Variants in KDM4C observed in about 807,000 individuals in gnomAD.
KDM4C encodes lysine demethylase 4C.
Under a neutral mutation model 129.3 loss-of-function variants are expected in KDM4C, and 81 were observed. The observed-to-expected ratio is 0.63, with a 90% CI of 0.52 to 0.75. The LOEUF (loss-of-function observed/expected upper bound fraction) is 0.75, where lower values mean the gene tolerates loss of function less well. Among genes scored for constraint, KDM4C ranks in the 30% least tolerant of loss-of-function variants. The pLI is 0.00. For missense variants in KDM4C, 1,457 were observed against 1,304.0 expected, an observed-to-expected ratio of 1.12 and a Z score of -1.81; for synonymous variants, 573 against 456.1, an observed-to-expected ratio of 1.26 and a Z score of -3.26.
At chr9:6,760,123 C>A (rs900857154) in intron 1 of KDM4C, among the ~76,000 whole-genome samples, 1 of 152,062 alleles carries the variant, frequency 6.6e-6, no homozygotes. Flanking sequence ...CTATCCCCTT[C>A]TGTCCCTAGG....
rs1282300552 is a variant in KDM4C, at chr9:6,766,839, T to A, written c.-18+8636T>A. On this transcript the variant is annotated intron_variant, in intron 1 of 21. Transcript: ENST00000381309. ...TCACCTCTGCTTATCAGAACATTCTTCTCTGCCAGTACGTTTTCTCTTGTT... is the reference window on the plus strand; with the variant it reads ...TCACCTCTGCTTATCAGAACATTCTACTCTGCCAGTACGTTTTCTCTTGTT... Among the ~76,000 whole-genome samples the A allele has an allele frequency of 2.6e-5, 4 of 152,110 alleles. 1 individual carries two copies. The highest frequency in any genetic ancestry group is 5.9e-5 in the Non-Finnish European group (4 of 68,006).
chr9:7,139,543 C>T (rs1841536240), intron 19 of KDM4C, among the ~76,000 whole-genome samples: 1 of 152,116 alleles, frequency 6.6e-6, no homozygotes, highest in Non-Finnish European at 1.5e-5. Context: ...AAGTGAGACT[C>T]TAAAATTATA....
intron 8 of KDM4C, among the ~76,000 whole-genome samples, chr9:6,936,940 T>C (rs144643569): frequency 0.014 from 2,162 of 152,300 alleles, 55 homozygotes; most frequent in African/African-American, 0.048. Context: ...ATTCATTAAA[T>C]GTGTTCTTTT....
chr9:6,836,433 T>C (rs777551718), intron 4 of KDM4C, among the ~76,000 whole-genome samples: 19 of 152,152 alleles, frequency 1.2e-4, no homozygotes, highest in Non-Finnish European at 2.5e-4. Flanking sequence ...ATATGTACAA[T>C]ATATTTAAGT....
intron 1 of KDM4C, among the ~76,000 whole-genome samples, chr9:6,763,195 C>G (rs1284803863): frequency 2.0e-5 from 3 of 152,144 alleles, no homozygotes; most frequent in Non-Finnish European, 4.4e-5. Flanking sequence ...GGGAAAAAGT[C>G]CTAACTCTCA....
At chr9:6,815,685 C>T (rs182656311) in intron 4 of KDM4C, among the ~76,000 whole-genome samples, 3 of 152,212 alleles carry the variant, frequency 2.0e-5, no homozygotes, top group East Asian at 3.9e-4. Context: ...CTTTGAGCAT[C>T]GTGTTGAAAC....
chr9:7,094,675 C>G (rs1032217481), intron 17 of KDM4C, among the ~76,000 whole-genome samples: 22 of 152,194 alleles, frequency 1.4e-4, no homozygotes, highest in African/African-American at 5.3e-4. Flanking sequence ...GTTGTCTCCC[C>G]TGAAAAGGTG....
chr9:6,804,150 A>G (rs117553483), intron 2 of KDM4C, among the ~76,000 whole-genome samples: 4 of 152,266 alleles, frequency 2.6e-5, no homozygotes, highest in Non-Finnish European at 4.4e-5. Context: ...AATCCTATCA[A>G]TATGTATTTT....
chr9:6,974,258 C>G lies in KDM4C; in HGVS notation c.922-6667C>G, dbSNP rs114146521. Among the ~76,000 whole-genome samples the G allele has an allele frequency of 5.8e-3, 889 of 152,302 alleles. 11 individuals are homozygous for G. Among genetic ancestry groups the G allele is most frequent in the African/African-American group, 0.02 (835 of 41,564 alleles). On this transcript the variant is annotated intron_variant, in intron 8 of 21. Coordinates refer to ENST00000381309, the MANE Select transcript of KDM4C (RefSeq NM_015061.6). ...AAGAAATACCTGAAAGACTCTCTAA[C>G]AAGGAAATCAGTATACCTGAACATT...
At chr9:7,127,947 T>A (rs752855563) in intron 18 of KDM4C, 119 bp from the exon 19 acceptor site, 3 of 934,940 alleles carry the variant, frequency 3.2e-6, no homozygotes, top group Non-Finnish European at 4.4e-6. Flanking sequence ...GTTAAAAATT[T>A]TTTTTTTAAA....
chr9:6,777,736 T>C (rs1823394380), intron 1 of KDM4C, among the ~76,000 whole-genome samples: 1 of 151,710 alleles, frequency 6.6e-6, no homozygotes, highest in African/African-American at 2.4e-5. Context: ...CCACCATGTT[T>C]GGCTAATCAA....
chr9:6,946,744 A>G (rs901446932), intron 8 of KDM4C, among the ~76,000 whole-genome samples: 1 of 151,994 alleles, frequency 6.6e-6, no homozygotes, highest in African/African-American at 2.4e-5. Context: ...TTCATTATGA[A>G]TTTTCTTTTA....
At chr9:6,883,556 G>A (rs570759420) in intron 6 of KDM4C, among the ~76,000 whole-genome samples, 1 of 152,328 alleles carries the variant, frequency 6.6e-6, no homozygotes, top group South Asian at 2.1e-4. Flanking sequence ...ATCCAGCCAT[G>A]TTCCTAGTGG....
rs1010482267 is a variant in KDM4C at position 7,009,171 on chromosome 9, G to A, written c.1787-2527G>A. On this transcript the variant is annotated intron_variant, in intron 12 of 21. Coordinates refer to ENST00000381309, the MANE Select transcript of KDM4C (RefSeq NM_015061.6). ...CAGGAAGACAATGCACAAACAAGTT[G>A]AGAATTTCAACAAAGAGATAGAAGC... Among the ~76,000 whole-genome samples the A allele has an allele frequency of 2.0e-5, 3 of 152,202 alleles. No homozygotes were observed. In the East Asian group the frequency reaches 5.8e-4, roughly 29 times the overall value.
intron 1 of KDM4C, among the ~76,000 whole-genome samples, chr9:6,737,406 A>G (rs1351601749): frequency 6.6e-6 from 1 of 152,106 alleles, no homozygotes; most frequent in Non-Finnish European, 1.5e-5. Flanking sequence ...CATGCCTGTA[A>G]TCTCAGCACT....
chr9:7,124,674 A>G (rs1839851858), intron 18 of KDM4C, among the ~76,000 whole-genome samples: 1 of 152,220 alleles, frequency 6.6e-6, no homozygotes, highest in Non-Finnish European at 1.5e-5. Context: ...TTCTACTTCA[A>G]GTATAGTGCA....
At chr9:6,854,983 A>C (rs1044195016) in intron 5 of KDM4C, among the ~76,000 whole-genome samples, 1 of 152,198 alleles carries the variant, frequency 6.6e-6, no homozygotes, top group African/African-American at 2.4e-5. Context: ...CCACCTTGTA[A>C]GGCAATTGTG....
chr9:7,009,891 GA>G, intron 12 of KDM4C, among the ~76,000 whole-genome samples: 1 of 151,898 alleles, frequency 6.6e-6, no homozygotes, highest in South Asian at 2.1e-4. Flanking sequence ...AGAACAATTT[GA>G]AAAAACTCAC....
intron 6 of KDM4C, among the ~76,000 whole-genome samples, chr9:6,883,696 TA>T (rs1844821792): frequency 6.6e-6 from 1 of 152,000 alleles, no homozygotes; most frequent in South Asian, 2.1e-4. Context: ...GAATGTCAAC[TA>T]GTAGGGAGGA....
Sources: allele counts gnomAD v4.1 joint callset (sites outside exome capture counted in the v4.1 genomes callset), GRCh38; gene constraint gnomAD v4.1.1; transcripts MANE v1.5; gene names NCBI Gene and HGNC (gene_info 2026-07-23, HGNC 2026-07-21).